The following CNBD1 variants were observed in gnomAD, a reference collection of about 807,000 sequenced individuals.
The protein encoded by CNBD1 is cyclic nucleotide binding domain containing 1, also known as cyclic nucleotide-binding domain-containing protein 1.
Under a neutral mutation model 54.4 loss-of-function variants are expected in CNBD1, and 71 were observed. That is an observed-to-expected ratio of 1.30 (90% CI 1.08 to 1.59). The LOEUF (loss-of-function observed/expected upper bound fraction) is 1.59. Ranked by LOEUF, CNBD1 falls within the 40% of genes most tolerant of loss-of-function variation. CNBD1 has a pLI of 0.00. For synonymous variants in CNBD1, 182 were observed against 170.7 expected, an observed-to-expected ratio of 1.07 and a Z score of -0.51; for missense variants, 659 against 518.0, an observed-to-expected ratio of 1.27 and a Z score of -2.64.
chr8:86,873,164 C>G (rs565332522), intron 1 of CNBD1, among the ~76,000 whole-genome samples: 16 of 150,546 alleles, frequency 1.1e-4, no homozygotes, highest in African/African-American at 3.9e-4. Flanking sequence ...TGCAGTGGCA[C>G]GATCTTGGTT....
intron 8 of CNBD1, among the ~76,000 whole-genome samples, chr8:87,348,690 T>C (rs1029542839): frequency 1.3e-5 from 2 of 152,226 alleles, no homozygotes; most frequent in African/African-American, 4.8e-5. Flanking sequence ...GGATGTCCTT[T>C]AATAATCTCT....
intron 4 of CNBD1, among the ~76,000 whole-genome samples, chr8:86,940,177 C>G (rs1480074849): frequency 3.1e-5 from 3 of 98,130 alleles, no homozygotes; most frequent in African/African-American, 8.6e-5. Flanking sequence ...GTGCCCCAGG[C>G]TGGAGTGCAA....
chr8:87,397,712 A>C (rs1207271977), intron 2 of CNBD1, among the ~76,000 whole-genome samples: 1 of 151,966 alleles, frequency 6.6e-6, no homozygotes, highest in East Asian at 1.9e-4. Context: ...TGATTAAGTT[A>C]TTATCATCTG....
In CNBD1 at chr8:87,279,008, T is replaced by C. The variant is rs913317461; in HGVS notation, c.772-5670T>C. Among the ~76,000 whole-genome samples, 5 of 151,444 alleles carry C rather than the reference T, an allele frequency of 3.3e-5. No homozygotes were observed. In the East Asian group the frequency reaches 9.6e-4, roughly 29 times the overall value. On this transcript the variant is annotated intron_variant, in intron 6 of 10. Transcript: ENST00000518476. ...AAAATTCCATTATTATGTTTAAATT[T>C]TTTTCTAAATTTATAATTTTTCTAT...
At chr8:86,890,741 C>G (rs1336767973) in intron 2 of CNBD1, among the ~76,000 whole-genome samples, 2 of 152,050 alleles carry the variant, frequency 1.3e-5, no homozygotes, top group Non-Finnish European at 2.9e-5. Flanking sequence ...CAGTTCAGGT[C>G]CTCATCAGCA....
intron 8 of CNBD1, among the ~76,000 whole-genome samples, chr8:87,323,542 G>A (rs1008906311): frequency 0.022 from 2,615 of 120,128 alleles, 482 homozygotes; most frequent in African/African-American, 0.079. Flanking sequence ...GGATTCCTAG[G>A]TATTTTATTC....
At chr8:87,010,391 T>C (rs1428687808) in intron 4 of CNBD1, among the ~76,000 whole-genome samples, 1 of 152,320 alleles carries the variant, frequency 6.6e-6, no homozygotes, top group South Asian at 2.1e-4. Context: ...TAAATCCATC[T>C]ACTAGGTTCT....
chr8:86,873,104 T>C (rs1808464786), intron 1 of CNBD1, among the ~76,000 whole-genome samples: 1 of 105,040 alleles, frequency 9.5e-6, no homozygotes. Flanking sequence ...GTTGTTTTAG[T>C]TTTTTTTTTT....
intron 2 of CNBD1, among the ~76,000 whole-genome samples, chr8:87,425,055 C>T (rs1808020773): frequency 6.6e-6 from 1 of 152,072 alleles, no homozygotes; most frequent in Non-Finnish European, 1.5e-5. Flanking sequence ...TTCCTTCTCG[C>T]TTCATTTCAT....
At chr8:87,327,057 C>T (rs1355354859) in intron 8 of CNBD1, among the ~76,000 whole-genome samples, 1 of 149,162 alleles carries the variant, frequency 6.7e-6, no homozygotes, top group African/African-American at 2.5e-5. Flanking sequence ...GTTGGAATAC[C>T]CTGCCGTGTG....
chr8:87,374,217 T>A (rs1229343412), intron 10 of CNBD1, among the ~76,000 whole-genome samples: 2 of 151,824 alleles, frequency 1.3e-5, no homozygotes, highest in Non-Finnish European at 2.9e-5. Context: ...TTGTGAATAT[T>A]TACCGTGCAC....
chr8:86,902,050 T>TATGCATC (rs566478922), intron 2 of CNBD1, among the ~76,000 whole-genome samples: 120 of 152,296 alleles, frequency 7.9e-4, no homozygotes, highest in African/African-American at 2.4e-3. Context: ...TTAAACTTTA[T>TATGCATC]ATGCATCATT....
chr8:87,380,391 G>T (rs1467817561), intron 10 of CNBD1, among the ~76,000 whole-genome samples: 1 of 151,844 alleles, frequency 6.6e-6, no homozygotes, highest in East Asian at 1.9e-4. Context: ...TTGTCTTTAT[G>T]CAATACCATA....
intron 4 of CNBD1, among the ~76,000 whole-genome samples, chr8:87,089,722 G>A (rs1811168327): frequency 6.6e-6 from 1 of 151,974 alleles, no homozygotes. Context: ...GTGAGAAAAT[G>A]GCTTTGGAAT....
At chr8:86,916,118 G>T (rs1809180407) in intron 3 of CNBD1, among the ~76,000 whole-genome samples, 1 of 152,156 alleles carries the variant, frequency 6.6e-6, no homozygotes, top group Non-Finnish European at 1.5e-5. Context: ...AGGTGTTACT[G>T]GTGGCAAATC....
In CNBD1 at chr8:87,351,693, G is replaced by T. The variant is rs1191470701; in HGVS notation, c.1051G>T (p.Glu351Ter). ...ATCTCTCTTCTTTTCAGTGATAGTG[G>T]AAAGTGGAAATATAATTTCTTTTGT... ...KKFPPGHVIVESGNIISFVGY... is the reference protein window; with the variant it reads ...KKFPPGHVIV Residue 351 changes from glutamate (E) to a stop codon, truncating the protein, a stop_gained, in exon 9 of 11, where the codon GAA (glutamate) becomes TAA (stop). Transcript: ENST00000518476. LOFTEE classifies it high-confidence loss of function. 1 of 1,509,986 alleles carries T rather than the reference G, an allele frequency of 6.6e-7. No individual in the cohort carries two copies. Among genetic ancestry groups the T allele is most frequent in the African/African-American group, 1.4e-5 (1 of 70,144 alleles). 93.5% of individuals were successfully genotyped at this position (1,509,986 alleles called of 1,614,324 possible).
chr8:87,347,086 C>T (rs1390411701), intron 8 of CNBD1, among the ~76,000 whole-genome samples: 1 of 152,164 alleles, frequency 6.6e-6, no homozygotes, highest in Non-Finnish European at 1.5e-5. Context: ...CACATTTGAT[C>T]TTTCACACGT....
intron 4 of CNBD1, among the ~76,000 whole-genome samples, chr8:86,940,686 T>C (rs1020903127): frequency 1.2e-4 from 18 of 151,622 alleles, no homozygotes; most frequent in African/African-American, 3.4e-4. Context: ...GCTGAAAAAA[T>C]AGGAAATTCA....
intron 4 of CNBD1, among the ~76,000 whole-genome samples, chr8:87,022,260 A>G (rs1809505224): frequency 6.6e-6 from 1 of 152,230 alleles, no homozygotes; most frequent in Admixed American, 6.5e-5. Flanking sequence ...TTACAGGGTC[A>G]TGGTGCTAGG....
Sources: gnomAD v4.1 joint callset for allele counts (sites outside exome capture counted in the v4.1 genomes callset) on GRCh38, gnomAD v4.1.1 for gene constraint, MANE v1.5 for transcripts, NCBI Gene and HGNC (gene_info 2026-07-23, HGNC 2026-07-21) for gene names.